AGAP1: variants seen among roughly 807,000 people sequenced by gnomAD.
The protein encoded by AGAP1 is arf-GAP with GTPase, ANK repeat and PH domain-containing protein 1.
Under a neutral mutation model 105.3 loss-of-function variants are expected in AGAP1, and 29 were observed. The observed-to-expected ratio is 0.28, with a 90% CI of 0.21 to 0.38. The LOEUF (loss-of-function observed/expected upper bound fraction) is 0.38, where lower values mean the gene tolerates loss of function less well. Ranked by LOEUF, AGAP1 falls within the 10% of genes least tolerant of loss-of-function variation. The pLI, the probability that AGAP1 is intolerant of heterozygous loss-of-function variation, is 1.00. For missense variants in AGAP1, 998 were observed against 1,165.1 expected (o/e 0.86, Z 2.09); for synonymous variants, 509 against 485.9 (o/e 1.05, Z -0.63).
chr2:236,108,048 G>A (rs1559283530), intron 16 of AGAP1, among the ~76,000 whole-genome samples: 1 of 152,200 alleles, frequency 6.6e-6, no homozygotes, highest in African/African-American at 2.4e-5. Flanking sequence ...CCCCGCATGC[G>A]GGATTTACAG....
chr2:235,671,995 T>C (rs925702109), intron 1 of AGAP1, among the ~76,000 whole-genome samples: 1 of 151,892 alleles, frequency 6.6e-6, no homozygotes, highest in Admixed American at 6.6e-5. Context: ...TGGGAGGGGG[T>C]TGTATGCCTG....
At position 235,569,767 on chromosome 2, in the gene AGAP1, C is replaced by A. The variant is rs1261715904; in HGVS notation, c.163+74918C>A. 2.0e-5 allele frequency among the ~76,000 whole-genome samples: 3 copies of A among 152,132 alleles called. No individual in the cohort carries two copies. The highest frequency in any genetic ancestry group is 4.4e-5 in the Non-Finnish European group (3 of 68,024). On this transcript the variant is annotated intron_variant, in intron 1 of 17. Coordinates refer to ENST00000304032, the MANE Select transcript of AGAP1 (RefSeq NM_001037131.3). This position sits in a 1 kb window ranked among gnomAD's most constrained non-coding sequence, Gnocchi z 5.9. ...CTATGGAACCTGTAGGTTCTGAGACCGAGCCTTGGGTAGTTTTTATTTCTT... is the reference window on the plus strand; with the variant it reads ...CTATGGAACCTGTAGGTTCTGAGACAGAGCCTTGGGTAGTTTTTATTTCTT...
At position 235,964,832 on chromosome 2, in the gene AGAP1, C is replaced by T. The variant is rs10179146; in HGVS notation, c.1484-3630C>T. Among the ~76,000 whole-genome samples the T allele has an allele frequency of 1.5e-3, 232 of 152,182 alleles. No individual in the cohort carries two copies. The highest frequency in any genetic ancestry group is 5.2e-3 in the African/African-American group (217 of 41,520). On this transcript the variant is annotated intron_variant, in intron 12 of 17. Transcript: ENST00000304032. The surrounding 1 kb of genome is among the most constrained non-coding windows in gnomAD (Gnocchi z 4.6). ...AGGAGAAGGACCTCGTGGAGCTGGC[C>T]GCACAGTCTAGGCTTGGGGGTAAGG...
rs550807581 is a variant in AGAP1 at position 235,685,705 on chromosome 2, A to G, written c.164-23474A>G. Among the ~76,000 whole-genome samples the G allele has an allele frequency of 9.2e-5, 14 of 152,222 alleles. No individual in the cohort carries two copies. In the East Asian group the frequency reaches 1.9e-3, roughly 21 times the overall value. ...TTTTTTTTACTGTAAAAATCAAAAC[A>G]GAAATATTTGGCTCCAGAGCTCTGT... is the stretch of plus-strand genomic sequence containing the variant. On this transcript the variant is annotated intron_variant, in intron 1 of 17. Transcript: ENST00000304032.
At position 236,096,814 on chromosome 2, in the gene AGAP1, C is replaced by A. The variant is rs556550340; in HGVS notation, c.2115-23378C>A. On this transcript the variant is annotated intron_variant, in intron 16 of 17. Transcript: ENST00000304032. The surrounding 1 kb of genome is among the most constrained non-coding windows in gnomAD (Gnocchi z 4.4). ...GGCCAGGCTGGTCTCGAGCTCCCAA[C>A]CTCAAGTGATTCACCCCGGCCTCCC... Among the ~76,000 whole-genome samples, 1 of 152,048 alleles carries A rather than the reference C, an allele frequency of 6.6e-6. No homozygotes were observed. The highest frequency in any genetic ancestry group is 2.1e-4 in the South Asian group (1 of 4,792).
At chr2:236,064,313 T>G (rs2058287607) in intron 16 of AGAP1, among the ~76,000 whole-genome samples, 1 of 152,124 alleles carries the variant, frequency 6.6e-6, no homozygotes, top group Admixed American at 6.5e-5. Context: ...GAAAATTTGC[T>G]CTGCCGTGGC....
At chr2:236,047,530 T>G (rs1284785789) in intron 15 of AGAP1, among the ~76,000 whole-genome samples, 1 of 150,990 alleles carries the variant, frequency 6.6e-6, no homozygotes, top group Non-Finnish European at 1.5e-5. Context: ...GTTTTTTTCA[T>G]TTGATGCATA....
chr2:235,561,656 G>T (rs538941195), intron 1 of AGAP1, among the ~76,000 whole-genome samples: 52 of 152,210 alleles, frequency 3.4e-4, no homozygotes, highest in Admixed American at 3.0e-3. Context: ...ATGTTGAGAG[G>T]ATTACTTAGC....
chr2:235,710,175 G>A (rs1274081072), intron 2 of AGAP1, among the ~76,000 whole-genome samples: 6 of 152,146 alleles, frequency 3.9e-5, no homozygotes, highest in Admixed American at 6.6e-5. Flanking sequence ...CCTGCGGCCC[G>A]TGGACTCCTC....
At position 235,887,181 on chromosome 2, in the gene AGAP1, A is replaced by G. The variant is rs1327153274; in HGVS notation, c.1155+3732A>G. On this transcript the variant is annotated intron_variant, in intron 10 of 17. Coordinates refer to ENST00000304032, the MANE Select transcript of AGAP1 (RefSeq NM_001037131.3). The surrounding 1 kb of genome is among the most constrained non-coding windows in gnomAD (Gnocchi z 4.1). ...TGCTGTGACACCCACATCCTTGGCT[A>G]TCTCCAGGATGTATTACGGCAGAAG... is the stretch of plus-strand genomic sequence containing the variant. Among the ~76,000 whole-genome samples the G allele has an allele frequency of 2.0e-5, 3 of 152,220 alleles. No individual in the cohort carries two copies. The highest frequency in any genetic ancestry group is 2.1e-4 in the South Asian group (1 of 4,818).
chr2:235,980,883 T>A (rs2055063552), intron 13 of AGAP1, among the ~76,000 whole-genome samples: 1 of 152,164 alleles, frequency 6.6e-6, no homozygotes, highest in East Asian at 1.9e-4. Flanking sequence ...GATTGTTTCT[T>A]ACCAAAATGA....
Position 236,058,507 on chromosome 2 carries a change from A to G in AGAP1, c.2114+9226A>G, listed in dbSNP as rs989305013. Among the ~76,000 whole-genome samples the G allele has an allele frequency of 2.0e-5, 3 of 152,230 alleles. No individual in the cohort carries two copies. Among genetic ancestry groups the G allele is most frequent in the Admixed American group, 6.5e-5 (1 of 15,286 alleles). On this transcript the variant is annotated intron_variant, in intron 16 of 17. Coordinates refer to ENST00000304032, the MANE Select transcript of AGAP1 (RefSeq NM_001037131.3). This position sits in a 1 kb window ranked among gnomAD's most constrained non-coding sequence, Gnocchi z 4.6. ...TCTTTTCAAGGGATACAGAAAATAC[A>G]TTTGACAAAACCACGTGCCCTTTCA...
In AGAP1 at chr2:235,824,619, T is replaced by A. The variant is rs1958968012; in HGVS notation, c.1050+17288T>A. Among the ~76,000 whole-genome samples the A allele has an allele frequency of 6.6e-6, 1 of 152,206 alleles. No homozygotes were observed. The highest frequency in any genetic ancestry group is 1.5e-5 in the Non-Finnish European group (1 of 68,044). ...CCGAATTACTTGTTAATTGATTTGG[T>A]GATTCCCTCGGGTCTGCATGCTCCT... On this transcript the variant is annotated intron_variant, in intron 9 of 17. Transcript: ENST00000304032. This position sits in a 1 kb window ranked among gnomAD's most constrained non-coding sequence, Gnocchi z 5.2.
At chr2:235,573,055 TTCTTCTTTCTTCTTTC>T in intron 1 of AGAP1, among the ~76,000 whole-genome samples, 2 of 13,852 alleles carry the variant, frequency 1.4e-4, no homozygotes. Flanking sequence ...CTTCTTCTTC[TTCTTCTTTCTTCTTTC>T]TTCTTTCTTC....
chr2:235,988,658 G>T lies in AGAP1; in HGVS notation c.1645+20035G>T, dbSNP rs2055425188. Reference sequence around the variant, plus strand: ...TTTTCCTGTAACTTTCCAGTAATGAGGGGGCCCAGTGGGTAAATGGAATCT... The same window carrying T: ...TTTTCCTGTAACTTTCCAGTAATGATGGGGCCCAGTGGGTAAATGGAATCT... On this transcript the variant is annotated intron_variant, in intron 13 of 17. Transcript: ENST00000304032. The surrounding 1 kb of genome is among the most constrained non-coding windows in gnomAD (Gnocchi z 4.7). Among the ~76,000 whole-genome samples the T allele has an allele frequency of 1.3e-5, 2 of 152,206 alleles. No individual in the cohort carries two copies. The highest frequency in any genetic ancestry group is 2.9e-5 in the Non-Finnish European group (2 of 68,026).
At chr2:235,715,510 C>A (rs6751902) in intron 2 of AGAP1, among the ~76,000 whole-genome samples, 2 of 152,094 alleles carry the variant, frequency 1.3e-5, no homozygotes, top group African/African-American at 4.8e-5. Flanking sequence ...AGTGTTCTTG[C>A]GGCAAGTTCA....
At chr2:235,907,969 A>C (rs1273394889) in intron 10 of AGAP1, among the ~76,000 whole-genome samples, 1 of 152,162 alleles carries the variant, frequency 6.6e-6, no homozygotes, top group African/African-American at 2.4e-5. Flanking sequence ...TAATAATAAC[A>C]ATAATAATAA....
At chr2:235,646,958 AC>A (rs1947407620) in intron 1 of AGAP1, among the ~76,000 whole-genome samples, 1 of 151,830 alleles carries the variant, frequency 6.6e-6, no homozygotes, top group African/African-American at 2.4e-5. Flanking sequence ...ACATGGTGAA[AC>A]CCCGTCTCCA....
rs534895163 is a variant in AGAP1, at chr2:235,930,743, C to T, written c.1325-22C>T. The T allele has an allele frequency of 1.9e-6, 3 of 1,610,754 alleles. No homozygotes were observed. Among genetic ancestry groups the T allele is most frequent in the Admixed American group, 3.3e-5 (2 of 59,808 alleles). On this transcript the variant is annotated intron_variant, in intron 11 of 17. Transcript: ENST00000304032. The surrounding 1 kb of genome is among the most constrained non-coding windows in gnomAD (Gnocchi z 7.9). ...GTGGTCTGCAGTCCGCGGTGGTGTTCACCTGACTTGTTTATTCCTAGGGAA... is the reference window on the plus strand; with the variant it reads ...GTGGTCTGCAGTCCGCGGTGGTGTTTACCTGACTTGTTTATTCCTAGGGAA...
Sources: allele counts gnomAD v4.1 joint callset (sites outside exome capture counted in the v4.1 genomes callset), GRCh38; gene constraint gnomAD v4.1.1; non-coding constraint Gnocchi (gnomAD v3.1); transcripts MANE v1.5; gene names NCBI Gene and HGNC (gene_info 2026-07-23, HGNC 2026-07-21).